The following LSAMP variants were observed in gnomAD, a reference collection of about 807,000 sequenced individuals.
The protein encoded by LSAMP is limbic system-associated membrane protein.
Under a neutral mutation model 38.6 loss-of-function variants are expected in LSAMP, and 7 were observed. The ratio of observed to expected loss-of-function variants is 0.18; its 90% CI spans 0.10 to 0.34. The LOEUF (loss-of-function observed/expected upper bound fraction) is 0.34. Among genes scored for constraint, LSAMP ranks in the 10% least tolerant of loss-of-function variants. LSAMP has a pLI of 1.00. For missense variants in LSAMP, 313 were observed against 420.0 expected (o/e 0.75, Z 2.23); for synonymous variants, 154 against 166.8 (o/e 0.92, Z 0.59).
At chr3:115,862,120 T>G (rs6772239) in intron 3 of LSAMP, among the ~76,000 whole-genome samples, 29,359 of 152,074 alleles carry the variant, frequency 0.19, 3,642 homozygotes, top group African/African-American at 0.33. Context: ...CAGGGACAAA[T>G]ATTAGAATTG....
chr3:115,961,086 C>A (rs1357219033), intron 3 of LSAMP, among the ~76,000 whole-genome samples: 2 of 152,226 alleles, frequency 1.3e-5, no homozygotes, highest in Non-Finnish European at 2.9e-5. Flanking sequence ...AGGGAGCTGG[C>A]ATCACCAAGA....
At chr3:116,416,257 T>G (rs1477349210) in intron 1 of LSAMP, among the ~76,000 whole-genome samples, 2 of 152,132 alleles carry the variant, frequency 1.3e-5, no homozygotes, top group African/African-American at 4.8e-5. Flanking sequence ...GTGTTGCCTC[T>G]CCGTGGTGGA....
At chr3:116,129,117 C>G (rs1033870177) in intron 1 of LSAMP, among the ~76,000 whole-genome samples, 2 of 151,990 alleles carry the variant, frequency 1.3e-5, no homozygotes, top group African/African-American at 4.8e-5. Context: ...AAACATAAAA[C>G]GTGAATTCAT....
intron 1 of LSAMP, among the ~76,000 whole-genome samples, chr3:116,292,864 C>T (rs576589707): frequency 6.6e-6 from 1 of 152,272 alleles, no homozygotes; most frequent in Admixed American, 6.5e-5. Context: ...GGGTAAAACT[C>T]AAAATAATAT....
At chr3:115,978,755 A>C (rs887229459) in intron 3 of LSAMP, among the ~76,000 whole-genome samples, 2 of 152,112 alleles carry the variant, frequency 1.3e-5, no homozygotes, top group Non-Finnish European at 2.9e-5. Context: ...AGGGCAGGCT[A>C]TCAACTTACA....
In LSAMP at chr3:115,910,587, G is replaced by T. The variant is rs575404797; in HGVS notation, c.515-57970C>A. ...ACGTTAACATCTTGCATAATCATAA[G>T]ATCAGGATTTAAAAAGCATATATTG... On this transcript the variant is annotated intron_variant, in intron 3 of 6. Transcript: ENST00000490035. Among the ~76,000 whole-genome samples the T allele has an allele frequency of 3.0e-4, 46 of 152,184 alleles. 2 individuals are homozygous for T. In the East Asian group the frequency reaches 8.9e-3, roughly 29 times the overall value.
At position 115,945,658 on chromosome 3, in the gene LSAMP, C is replaced by A. The variant is rs6808669; in HGVS notation, c.514+73857G>T. Among the ~76,000 whole-genome samples, 82 of 152,036 alleles carry A rather than the reference C, an allele frequency of 5.4e-4. 2 individuals carry two copies. The East Asian group carries it at 0.012, about 23-fold the overall frequency. On this transcript the variant is annotated intron_variant, in intron 3 of 6. Coordinates refer to ENST00000490035, the MANE Select transcript of LSAMP (RefSeq NM_002338.5). ...TTGTCATCAATTTTTCTGGTCCTAG[C>A]ATCCAACCACTTTTCCCTTCTAATG...
intron 1 of LSAMP, among the ~76,000 whole-genome samples, chr3:116,309,521 A>G (rs2047528466): frequency 6.6e-6 from 1 of 152,152 alleles, no homozygotes; most frequent in Non-Finnish European, 1.5e-5. Context: ...TACTTACTAT[A>G]TGAGGAAGTG....
At chr3:116,257,051 G>A (rs747705196) in intron 1 of LSAMP, among the ~76,000 whole-genome samples, 4 of 152,148 alleles carry the variant, frequency 2.6e-5, no homozygotes, top group Non-Finnish European at 5.9e-5. Flanking sequence ...GGTTTTCATG[G>A]GACGGTGTGT....
intron 3 of LSAMP, among the ~76,000 whole-genome samples, chr3:115,921,202 A>G (rs1358579419): frequency 6.6e-6 from 1 of 152,100 alleles, no homozygotes; most frequent in Non-Finnish European, 1.5e-5. Context: ...ACTTTCAAGT[A>G]ATTATTGATA....
chr3:116,263,120 G>A lies in LSAMP; in HGVS notation c.156-176564C>T, dbSNP rs577319832. On this transcript the variant is annotated intron_variant, in intron 1 of 6. Coordinates refer to ENST00000490035, the MANE Select transcript of LSAMP (RefSeq NM_002338.5). The stretch of plus-strand genomic sequence containing the variant: ...AAGAGAATGACAAAAAAATGTTAGC[G>A]TGGGACCACTTGTTTAATTTACGAA... 3.3e-5 allele frequency among the ~76,000 whole-genome samples: 5 copies of A among 152,266 alleles called. No individual in the cohort carries two copies. The South Asian group carries it at 6.2e-4, about 19-fold the overall frequency.
At chr3:116,221,418 C>T (rs1183846306) in intron 1 of LSAMP, among the ~76,000 whole-genome samples, 1 of 152,160 alleles carries the variant, frequency 6.6e-6, no homozygotes, top group Non-Finnish European at 1.5e-5. Flanking sequence ...GTCCACTCTC[C>T]CATCCCAGCT....
At chr3:115,992,959 T>C (rs1939713099) in intron 3 of LSAMP, among the ~76,000 whole-genome samples, 3 of 152,094 alleles carry the variant, frequency 2.0e-5, no homozygotes, top group Admixed American at 1.3e-4. Flanking sequence ...TAGCTGATAC[T>C]GGATGTATGG....
At chr3:116,079,631 CAAAA>C (rs34038261) in intron 2 of LSAMP, among the ~76,000 whole-genome samples, 3 of 86,126 alleles carry the variant, frequency 3.5e-5, no homozygotes, top group African/African-American at 1.3e-4. Flanking sequence ...GACTCTGTCT[CAAAA>C]AAAAAAAAAA....
intron 3 of LSAMP, among the ~76,000 whole-genome samples, chr3:115,941,411 T>C (rs1266556821): frequency 6.6e-6 from 1 of 152,064 alleles, no homozygotes; most frequent in African/African-American, 2.4e-5. Context: ...GATCCAGCAA[T>C]CCCACTTCTT....
At chr3:116,127,695 ATTTTTTTTT>A (rs67470158) in intron 1 of LSAMP, among the ~76,000 whole-genome samples, 52 of 96,652 alleles carry the variant, frequency 5.4e-4, no homozygotes, top group African/African-American at 1.4e-3. Context: ...GTGTTTGTTC[ATTTTTTTTT>A]TTTTTTTTTT....
At chr3:116,407,850 G>A (rs1481783864) in intron 1 of LSAMP, among the ~76,000 whole-genome samples, 1 of 151,930 alleles carries the variant, frequency 6.6e-6, no homozygotes, top group Non-Finnish European at 1.5e-5. Context: ...TTCACCAAGT[G>A]GACCAATTCT....
rs796262551 is a variant in LSAMP at position 116,187,443 on chromosome 3, T to C, written c.156-100887A>G. Among the ~76,000 whole-genome samples the C allele has an allele frequency of 7.2e-5, 11 of 152,226 alleles. No homozygotes were observed. In the South Asian group the frequency reaches 2.1e-3, roughly 29 times the overall value. On this transcript the variant is annotated intron_variant, in intron 1 of 6. Coordinates refer to ENST00000490035, the MANE Select transcript of LSAMP (RefSeq NM_002338.5). ...CCAGAGAAAAAGAAAAGAAAAAAAA[T>C]GCAGCCTTTTATTCCTTGTTTGCCT... is the stretch of plus-strand genomic sequence containing the variant.
chr3:116,313,181 A>G (rs1261269199), intron 1 of LSAMP, among the ~76,000 whole-genome samples: 1 of 152,154 alleles, frequency 6.6e-6, no homozygotes, highest in African/African-American at 2.4e-5. Flanking sequence ...ATACTATTCC[A>G]TGACTTTCTA....
Sources: gnomAD v4.1 joint callset for allele counts (sites outside exome capture counted in the v4.1 genomes callset) on GRCh38, gnomAD v4.1.1 for gene constraint, MANE v1.5 for transcripts, NCBI Gene and HGNC (gene_info 2026-07-23, HGNC 2026-07-21) for gene names.